The following ANKRD27 variants were observed in gnomAD, a reference collection of about 807,000 sequenced individuals.
ANKRD27 encodes the protein ankyrin repeat domain 27.
Under a neutral mutation model 129.7 loss-of-function variants are expected in ANKRD27, and 112 were observed. That is an observed-to-expected ratio of 0.86 (90% CI 0.74 to 1.01). ANKRD27 has a LOEUF of 1.01. ANKRD27 is among the 50% of genes least tolerant of loss of function. The pLI is 0.00. For missense variants in ANKRD27, 1,258 were observed against 1,300.5 expected (o/e 0.97, Z 0.50); for synonymous variants, 516 against 511.2 (o/e 1.01, Z -0.13).
chr19:32,607,980 A>T, intron 22 of ANKRD27, 148 bp from the exon 23 acceptor site: 4 of 815,160 alleles, frequency 4.9e-6, no homozygotes, highest in Non-Finnish European at 7.7e-6. Context: ...GTTTAGAAGT[A>T]TGTGGCATGC....
rs145648811 is a variant in ANKRD27, at chr19:32,598,248, C to T, written c.3050G>A (p.Arg1017Gln). ...GLTQTGPGHR[R>Q]MLRRHTVEDA... ...CTCTACCGTGTGTCTCCGCAGCATC[C>T]GTCTGTGTCCAGGGCCAGTCTGTGT... The change falls in exon 29 of 29, where the codon CGG (arginine) becomes CAG (glutamine). Residue 1017 changes from arginine to glutamine, a missense_variant. By Grantham distance (43) the Arg-to-Gln change is conservative (BLOSUM62 1). Transcript: ENST00000306065. 3.1e-6 allele frequency: 5 copies of T among 1,614,064 alleles called. No individual in the cohort carries two copies. The highest frequency in any genetic ancestry group is 1.7e-5 in the Admixed American group (1 of 59,994).
chr19:32,661,475 T>C (rs1967645302), intron 1 of ANKRD27, among the ~76,000 whole-genome samples: 2 of 152,148 alleles, frequency 1.3e-5, no homozygotes, highest in Non-Finnish European at 2.9e-5. Flanking sequence ...CAGCTGGGAC[T>C]GCAGGCATGC....
At chr19:32,649,896 T>C (rs562806789) in intron 2 of ANKRD27, 104 bp from the exon 3 acceptor site, 14 of 781,986 alleles carry the variant, frequency 1.8e-5, no homozygotes, top group Non-Finnish European at 3.2e-5. Flanking sequence ...CAGCGGGACC[T>C]GCTGGCAGAG....
intron 16 of ANKRD27, among the ~76,000 whole-genome samples, 170 bp from the exon 17 acceptor site, chr19:32,626,136 A>G (rs1161976270): frequency 6.6e-6 from 1 of 152,132 alleles, no homozygotes; most frequent in East Asian, 1.9e-4. Context: ...CTGAAGAAAA[A>G]AGTCTAAAGC....
intron 3 of ANKRD27, among the ~76,000 whole-genome samples, chr19:32,647,273 C>T (rs1212839342): frequency 1.3e-5 from 2 of 152,214 alleles, no homozygotes; most frequent in African/African-American, 4.8e-5. Context: ...TGTTTCCTGA[C>T]AATTAGATTA....
chr19:32,602,791 G>C (rs1373838183), intron 25 of ANKRD27, among the ~76,000 whole-genome samples: 9 of 152,024 alleles, frequency 5.9e-5, no homozygotes. Flanking sequence ...TTGGGAGGCT[G>C]AGGTTGGAGG....
At chr19:32,646,108 T>G (rs957076670) in intron 4 of ANKRD27, among the ~76,000 whole-genome samples, 1 of 151,954 alleles carries the variant, frequency 6.6e-6, no homozygotes, top group African/African-American at 2.4e-5. Context: ...ATTTTTGTAT[T>G]TTTAGTAGAG....
At chr19:32,607,876 A>C (rs1971771422) in intron 22 of ANKRD27, 44 bp from the exon 23 acceptor site, 1 of 1,556,368 alleles carries the variant, frequency 6.4e-7, no homozygotes, top group Non-Finnish European at 8.7e-7. Flanking sequence ...ATCAGTATTG[A>C]AGAAACTGGG....
intron 15 of ANKRD27, 89 bp from the exon 16 acceptor site, chr19:32,626,916 C>T: frequency 1.2e-6 from 1 of 828,208 alleles, no homozygotes; most frequent in Non-Finnish European, 1.9e-6. Context: ...ATTGCACCCT[C>T]CTAGTCCTGG....
chr19:32,653,923 C>CA (rs1204344287), intron 2 of ANKRD27, among the ~76,000 whole-genome samples: 1 of 152,128 alleles, frequency 6.6e-6, no homozygotes, highest in Non-Finnish European at 1.5e-5. Flanking sequence ...TTTTTTGAGA[C>CA]AGAGTCTCGT....
In ANKRD27 at chr19:32,644,404, G is replaced by A. The variant is rs769317711; in HGVS notation, c.446C>T (p.Ser149Phe). The change falls in exon 5 of 29, where the codon TCC becomes TTC. Residue 149 changes from serine to phenylalanine, a missense_variant. By Grantham distance (155) the Ser-to-Phe change is radical (BLOSUM62 -2). Transcript: ENST00000306065. ...GGCGATGTTCCTGTCAAATCGCTCG[G>A]AGTGTCTTCCCAAGAACTCTCTCAC... Reference protein sequence around the residue: ...EDVREFLGRHSERFDRNIASF... With the variant: ...EDVREFLGRHFERFDRNIASF... The A allele has an allele frequency of 6.2e-7, 1 of 1,613,996 alleles. No homozygotes were observed. Among genetic ancestry groups the A allele is most frequent in the African/African-American group, 1.3e-5 (1 of 74,922 alleles).
intron 1 of ANKRD27, among the ~76,000 whole-genome samples, chr19:32,672,264 T>C (rs1967885289): frequency 6.6e-6 from 1 of 152,242 alleles, no homozygotes; most frequent in Non-Finnish European, 1.5e-5. Context: ...AAACTTTCTA[T>C]TCATCTATTT....
At chr19:32,626,031 T>A in intron 16 of ANKRD27, 65 bp from the exon 17 acceptor site, 2 of 1,361,074 alleles carry the variant, frequency 1.5e-6, no homozygotes, top group Non-Finnish European at 2.0e-6. Context: ...CGGCCTCCAG[T>A]CTTAGCAGGG....
chr19:32,617,752 A>AT, intron 20 of ANKRD27, 119 bp from the exon 21 acceptor site: 41 of 395,876 alleles, frequency 1.0e-4, no homozygotes, highest in East Asian at 4.3e-4. Flanking sequence ...CGTCTGATTT[A>AT]GTTTTTTTTT....
rs1429115955 is a variant in ANKRD27 at position 32,675,084 on chromosome 19, T to A, written c.-44A>T. On this transcript the variant is annotated 5_prime_UTR_variant, in exon 1 of 29. An upstream start codon of the reference 5' UTR is lost. Transcript: ENST00000306065. The stretch of plus-strand genomic sequence containing the variant: ...GAGGACACTTACTTAAAAGGCTACA[T>A]CGCTTCATTCCCAGCCCATCCTGGG... The A allele has an allele frequency of 1.3e-5, 2 of 152,098 alleles. No individual in the cohort carries two copies. The highest frequency in any genetic ancestry group is 4.8e-5 in the African/African-American group (2 of 41,382). The allele number at this position is 152,098 out of a possible 1,614,324, so 9.4% of individuals were successfully genotyped here. A position where few individuals can be genotyped will look rare whatever the true frequency, so the allele number is the denominator to read the frequency against.
intron 22 of ANKRD27, among the ~76,000 whole-genome samples, chr19:32,613,146 T>TA (rs1190130612): frequency 6.6e-6 from 1 of 152,024 alleles, no homozygotes; most frequent in Non-Finnish European, 1.5e-5. Context: ...GAAGAACATA[T>TA]ACAGATGGCA....
chr19:32,601,988 CG>C, intron 26 of ANKRD27, 26 bp downstream of exon 26: 1 of 1,435,318 alleles, frequency 7.0e-7, no homozygotes, highest in Non-Finnish European at 9.8e-7. Context: ...CCAACTTGAG[CG>C]TGACAGAAAG....
At chr19:32,636,500 C>T (rs967424896) in intron 12 of ANKRD27, 3 of 123,738 alleles carry the variant, frequency 2.4e-5, no homozygotes, top group African/African-American at 1.5e-4. Context: ...GGCTCACATG[C>T]CTCAAAAAAA....
intron 5 of ANKRD27, chr19:32,643,836 A>C (rs560609060): frequency 8.5e-6 from 5 of 589,462 alleles, no homozygotes; most frequent in East Asian, 5.7e-5. Context: ...GAGGATAATA[A>C]TACTCATTGT....
Sources: allele counts gnomAD v4.1 joint callset (sites outside exome capture counted in the v4.1 genomes callset), GRCh38; gene constraint gnomAD v4.1.1; transcripts MANE v1.5; gene names NCBI Gene and HGNC (gene_info 2026-07-23, HGNC 2026-07-21).